Variants in KLF12 observed in about 807,000 individuals in gnomAD.
The protein encoded by KLF12 is KLF transcription factor 12.
In KLF12, 9 loss-of-function variants were observed where a neutral mutation model predicts 37.8. The observed-to-expected ratio is 0.24, with a 90% CI of 0.14 to 0.42. The LOEUF (loss-of-function observed/expected upper bound fraction) is 0.42, where lower values mean the gene tolerates loss of function less well. Among genes scored for constraint, KLF12 ranks in the 10% least tolerant of loss-of-function variants. The pLI, the probability that KLF12 is intolerant of heterozygous loss-of-function variation, is 1.00. For synonymous variants in KLF12, 208 were observed against 202.1 expected (o/e 1.03, Z -0.25); for missense variants, 411 against 516.0 (o/e 0.80, Z 1.97).
chr13:73,772,126 ATTGCTCAGAGCCATATATACAACCTGTC>A (rs1177218146), intron 5 of KLF12, among the ~76,000 whole-genome samples: 1 of 147,910 alleles, frequency 6.8e-6, no homozygotes, highest in African/African-American at 2.5e-5. Flanking sequence ...CCTTTCTTCT[ATTGCTCAGAGCCATATATACAACCTGTC>A]TATCTTTTAC....
At chr13:73,987,818 A>G (rs866006760) in intron 2 of KLF12, among the ~76,000 whole-genome samples, 1 of 124,816 alleles carries the variant, frequency 8.0e-6, no homozygotes, top group Non-Finnish European at 1.7e-5. Context: ...GGGGGGGTAG[A>G]TGAAGTGGGA....
At chr13:74,065,133 T>A (rs903597059) in intron 1 of KLF12, among the ~76,000 whole-genome samples, 1 of 151,962 alleles carries the variant, frequency 6.6e-6, no homozygotes, top group Non-Finnish European at 1.5e-5. Flanking sequence ...TCCATCTGCT[T>A]CATACACACA....
chr13:74,199,129 A>G, the KLF12 span, among the ~76,000 whole-genome samples: 2 of 152,228 alleles, frequency 1.3e-5, no homozygotes, highest in African/African-American at 4.8e-5. Context: ...TTCCTGCAGA[A>G]GTCAGTGCGG....
chr13:74,015,081 GTA>G (rs2138387964), intron 1 of KLF12, among the ~76,000 whole-genome samples: 1 of 152,090 alleles, frequency 6.6e-6, no homozygotes, highest in African/African-American at 2.4e-5. Flanking sequence ...TTAGTATACA[GTA>G]GTATGTAATA....
At chr13:74,048,525 T>C (rs1893607110) in intron 1 of KLF12, among the ~76,000 whole-genome samples, 2 of 152,172 alleles carry the variant, frequency 1.3e-5, no homozygotes, top group South Asian at 2.1e-4. Flanking sequence ...GAGAACAGAA[T>C]ATTAACACCT....
chr13:74,096,231 T>G (rs1442642787), intron 1 of KLF12, among the ~76,000 whole-genome samples: 2 of 152,210 alleles, frequency 1.3e-5, no homozygotes, highest in East Asian at 3.9e-4. Context: ...TTCCACAAAA[T>G]GGACTACAAG....
chr13:73,932,104 C>CT (rs1555326749), intron 3 of KLF12, among the ~76,000 whole-genome samples: 1 of 151,586 alleles, frequency 6.6e-6, no homozygotes, highest in Non-Finnish European at 1.5e-5. Flanking sequence ...CAGATAAAGG[C>CT]TTTAAAGAGT....
intron 2 of KLF12, among the ~76,000 whole-genome samples, chr13:73,947,469 A>T (rs1200850835): frequency 6.6e-6 from 1 of 151,894 alleles, no homozygotes; most frequent in Non-Finnish European, 1.5e-5. Context: ...TGGCCAACAT[A>T]GTCAAACTCT....
chr13:74,068,115 A>T (rs888802542), intron 1 of KLF12, among the ~76,000 whole-genome samples: 2 of 152,188 alleles, frequency 1.3e-5, no homozygotes, highest in Non-Finnish European at 2.9e-5. Flanking sequence ...TTTTAATAAG[A>T]GGTTTTTATC....
intron 3 of KLF12, among the ~76,000 whole-genome samples, chr13:73,856,242 A>G (rs1445318508): frequency 6.6e-6 from 1 of 152,240 alleles, no homozygotes; most frequent in African/African-American, 2.4e-5. Flanking sequence ...CGCCAGCCAC[A>G]GCTTCTGCTA....
chr13:74,007,368 C>G (rs113319799), intron 1 of KLF12, among the ~76,000 whole-genome samples: 14,782 of 151,888 alleles, frequency 0.097, 760 homozygotes, highest in African/African-American at 0.11. Context: ...CTCCATCCCC[C>G]CCGGGTTCAC....
chr13:73,753,262 G>A (rs1334650588), intron 6 of KLF12, among the ~76,000 whole-genome samples: 1 of 152,084 alleles, frequency 6.6e-6, no homozygotes, highest in African/African-American at 2.4e-5. Flanking sequence ...GAATGTCCAT[G>A]TTTGTTCCCA....
chr13:73,705,214 A>G (rs1361800336), intron 7 of KLF12, among the ~76,000 whole-genome samples: 2 of 152,168 alleles, frequency 1.3e-5, no homozygotes, highest in African/African-American at 4.8e-5. Flanking sequence ...TTACAATTGT[A>G]TTATTCTTAG....
chr13:74,137,516 T>C (rs575922929), upstream of KLF12, among the ~76,000 whole-genome samples: 2 of 152,214 alleles, frequency 1.3e-5, no homozygotes, highest in Non-Finnish European at 2.9e-5. Flanking sequence ...ACATAACGCA[T>C]GCATTGAGTT....
intron 3 of KLF12, among the ~76,000 whole-genome samples, chr13:73,858,105 A>G (rs1885702275): frequency 6.6e-6 from 1 of 152,026 alleles, no homozygotes; most frequent in Non-Finnish European, 1.5e-5. Context: ...TTTTTCCTAT[A>G]TTTTCTACAG....
chr13:74,026,859 C>T (rs544073967), intron 1 of KLF12, among the ~76,000 whole-genome samples: 2 of 152,272 alleles, frequency 1.3e-5, no homozygotes, highest in African/African-American at 2.4e-5. Context: ...TGCTTCAAGT[C>T]GATCAGCTAG....
chr13:74,188,282 TTCTAGGTGTTGAGGATGTA>T, the KLF12 span, among the ~76,000 whole-genome samples: 320 of 152,264 alleles, frequency 2.1e-3, 3 homozygotes, highest in African/African-American at 7.5e-3. Flanking sequence ...CCAGACACTG[TTCTAGGTGTTGAGGATGTA>T]CCAGTGAATA....
intron 1 of KLF12, among the ~76,000 whole-genome samples, chr13:74,074,974 CAACA>C (rs1352568323): frequency 6.6e-6 from 1 of 152,188 alleles, no homozygotes; most frequent in Non-Finnish European, 1.5e-5. Context: ...CTATTCAATT[CAACA>C]AATATTTATT....
intron 3 of KLF12, among the ~76,000 whole-genome samples, chr13:73,934,799 T>G (rs1889849384): frequency 6.6e-6 from 1 of 151,962 alleles, no homozygotes; most frequent in Admixed American, 6.6e-5. Context: ...TTCAAATATT[T>G]TTTTCTGATC....
Sources: allele counts gnomAD v4.1 joint callset (sites outside exome capture counted in the v4.1 genomes callset), GRCh38; gene constraint gnomAD v4.1.1; transcripts MANE v1.5; gene names NCBI Gene and HGNC (gene_info 2026-07-23, HGNC 2026-07-21).